Variants in GALNT13 observed in about 807,000 individuals in gnomAD.
GALNT13 encodes the protein UDP-GalNAc:polypeptide N-acetylgalactosaminyltransferase 13.
GALNT13 carries 28 observed loss-of-function variants against 64.2 expected under a neutral mutation model. The observed-to-expected ratio is 0.44, with a 90% CI of 0.32 to 0.60. The LOEUF is 0.60. Ranked by LOEUF, GALNT13 falls within the 20% of genes least tolerant of loss-of-function variation. The probability of loss-of-function intolerance (pLI) is 0.05; values close to 1 mark genes in which losing one functional copy is unlikely to be tolerated. For missense variants in GALNT13, 577 were observed against 669.8 expected (o/e 0.86, Z 1.53); for synonymous variants, 214 against 224.6 (o/e 0.95, Z 0.42).
At chr2:153,248,574 G>A in the GALNT13 span, among the ~76,000 whole-genome samples, 2 of 151,968 alleles carry the variant, frequency 1.3e-5, no homozygotes, top group Non-Finnish European at 2.9e-5. Flanking sequence ...AGCACTTTGG[G>A]AGGCTGAGGA....
the GALNT13 span, among the ~76,000 whole-genome samples, chr2:153,093,448 A>T: frequency 2.6e-5 from 4 of 151,942 alleles, no homozygotes; most frequent in African/African-American, 9.7e-5. Flanking sequence ...CATTGTTGCC[A>T]GGCTGGTCTC....
chr2:153,978,556 A>C (rs1694231127), intron 3 of GALNT13, among the ~76,000 whole-genome samples: 1 of 152,064 alleles, frequency 6.6e-6, no homozygotes, highest in East Asian at 1.9e-4. Context: ...AATAAGCCTC[A>C]TGAGATCTGA....
chr2:153,586,501 T>C, the GALNT13 span, among the ~76,000 whole-genome samples: 2 of 152,114 alleles, frequency 1.3e-5, no homozygotes, highest in East Asian at 3.9e-4. Flanking sequence ...TCTGAACACA[T>C]ATGCAGCCAA....
At chr2:153,741,902 A>G in the GALNT13 span, among the ~76,000 whole-genome samples, 1 of 152,120 alleles carries the variant, frequency 6.6e-6, no homozygotes. Context: ...TGATGTTATG[A>G]TTTATAAATG....
chr2:154,308,056 C>T (rs1209637419), intron 9 of GALNT13, among the ~76,000 whole-genome samples: 6 of 152,060 alleles, frequency 3.9e-5, no homozygotes, highest in African/African-American at 1.4e-4. Flanking sequence ...CCAGGTTCTT[C>T]TTCCTTTACT....
At chr2:153,815,666 C>G in the GALNT13 span, among the ~76,000 whole-genome samples, 1 of 152,112 alleles carries the variant, frequency 6.6e-6, no homozygotes, top group East Asian at 1.9e-4. Context: ...CTCTGCATGT[C>G]TTACAATAAG....
At chr2:154,442,542 T>A (rs578177437) in intron 12 of GALNT13, among the ~76,000 whole-genome samples, 28 of 152,142 alleles carry the variant, frequency 1.8e-4, no homozygotes, top group African/African-American at 5.5e-4. Context: ...AACCCTTCTG[T>A]GCCATGAAAT....
intron 4 of GALNT13, among the ~76,000 whole-genome samples, chr2:154,169,145 G>A (rs546869642): frequency 6.6e-6 from 1 of 152,146 alleles, no homozygotes; most frequent in South Asian, 2.1e-4. Context: ...CATTAATCAT[G>A]AGGGATCCAT....
chr2:153,418,098 A>G, the GALNT13 span, among the ~76,000 whole-genome samples: 1 of 152,224 alleles, frequency 6.6e-6, no homozygotes, highest in Non-Finnish European at 1.5e-5. Context: ...GTCCTGGAGT[A>G]TCCAGGTGGA....
the GALNT13 span, among the ~76,000 whole-genome samples, chr2:153,292,172 G>A: frequency 1.2e-4 from 18 of 151,940 alleles, no homozygotes; most frequent in Admixed American, 4.6e-4. Flanking sequence ...CATCACGGTG[G>A]GCCAAAGGAT....
chr2:153,258,533 A>G, the GALNT13 span, among the ~76,000 whole-genome samples: 2 of 152,128 alleles, frequency 1.3e-5, no homozygotes, highest in Admixed American at 6.5e-5. Flanking sequence ...GTAGTTCTTT[A>G]ATATGCATCA....
the GALNT13 span, among the ~76,000 whole-genome samples, chr2:153,802,505 A>G: frequency 6.6e-6 from 1 of 152,270 alleles, no homozygotes; most frequent in Admixed American, 6.5e-5. Flanking sequence ...GTAGAGAAAA[A>G]GAGTTCTATA....
chr2:153,631,199 T>G, the GALNT13 span, among the ~76,000 whole-genome samples: 1 of 152,088 alleles, frequency 6.6e-6, no homozygotes, highest in Non-Finnish European at 1.5e-5. Flanking sequence ...TTTTCTTAAT[T>G]CAGTCTGTCG....
the GALNT13 span, among the ~76,000 whole-genome samples, chr2:153,714,765 A>G: frequency 2.0e-5 from 3 of 152,192 alleles, no homozygotes; most frequent in Non-Finnish European, 1.5e-5. Flanking sequence ...TTGGGTTCCA[A>G]TTCTTGTGTG....
chr2:153,821,604 T>C, the GALNT13 span, among the ~76,000 whole-genome samples: 1 of 152,008 alleles, frequency 6.6e-6, no homozygotes, highest in Admixed American at 6.6e-5. Context: ...AAGAGGAAAA[T>C]TATAAATGCT....
intron 3 of GALNT13, among the ~76,000 whole-genome samples, chr2:154,016,140 G>A (rs1696988928): frequency 1.3e-5 from 2 of 152,120 alleles, no homozygotes; most frequent in African/African-American, 4.8e-5. Flanking sequence ...ATTGATAATG[G>A]AGCGAAGCAT....
chr2:154,081,050 C>G (rs1230957528), intron 3 of GALNT13, among the ~76,000 whole-genome samples: 1 of 151,466 alleles, frequency 6.6e-6, no homozygotes, highest in South Asian at 2.1e-4. Flanking sequence ...TTCCTTTATA[C>G]TCCTCACATA....
intron 3 of GALNT13, among the ~76,000 whole-genome samples, chr2:154,057,471 G>A (rs1442529116): frequency 6.6e-6 from 1 of 152,058 alleles, no homozygotes; most frequent in Non-Finnish European, 1.5e-5. Flanking sequence ...TATTTATGTA[G>A]TACTGACTTT....
the GALNT13 span, among the ~76,000 whole-genome samples, chr2:153,555,533 A>G: frequency 1.3e-3 from 203 of 152,318 alleles, 2 homozygotes; most frequent in East Asian, 9.7e-4. Flanking sequence ...AATAGTTATA[A>G]AAGCCTGGAT....
Sources: allele counts gnomAD v4.1 joint callset (sites outside exome capture counted in the v4.1 genomes callset), GRCh38; gene constraint gnomAD v4.1.1; transcripts MANE v1.5; gene names NCBI Gene and HGNC (gene_info 2026-07-23, HGNC 2026-07-21).